CDH22: variants seen among roughly 807,000 people sequenced by gnomAD.
CDH22 encodes the protein cadherin 22, also known as cadherin-22.
Under a neutral mutation model 58.4 loss-of-function variants are expected in CDH22, and 30 were observed. The observed-to-expected ratio is 0.51, with a 90% CI of 0.38 to 0.70. CDH22 has a LOEUF of 0.70. CDH22 is among the 30% of genes least tolerant of loss of function. CDH22 has a pLI of 0.00. For missense variants in CDH22, 1,014 were observed against 1,233.9 expected, an observed-to-expected ratio of 0.82 and a Z score of 2.67; for synonymous variants, 513 against 558.2, an observed-to-expected ratio of 0.92 and a Z score of 1.14.
intron 1 of CDH22, among the ~76,000 whole-genome samples, chr20:46,278,054 A>G (rs1227028046): frequency 1.3e-5 from 2 of 151,922 alleles, no homozygotes; most frequent in Non-Finnish European, 2.9e-5. Flanking sequence ...CCGTGATGAC[A>G]GGTGACAAGG....
Position 46,174,267 on chromosome 20 carries a change from C to T in CDH22, c.*239G>A, listed in dbSNP as rs2085717385. 1 of 489,774 alleles carries T rather than the reference C, an allele frequency of 2.0e-6. No individual in the cohort carries two copies. Among genetic ancestry groups the T allele is most frequent in the Non-Finnish European group, 3.5e-6 (1 of 281,700 alleles). 30.3% of individuals were successfully genotyped at this position (489,774 alleles called of 1,614,324 possible). On this transcript the variant is annotated 3_prime_UTR_variant, in exon 12 of 12. Coordinates refer to ENST00000537909, the MANE Select transcript of CDH22 (RefSeq NM_021248.3). This position sits in a 1 kb window ranked among gnomAD's most constrained non-coding sequence, Gnocchi z 4.4. ...TCTAACCCCAGAGCCACACCGTGCCCGGTCTCGCCTCAGTTTTAATGCCGT... is the reference window on the plus strand; with the variant it reads ...TCTAACCCCAGAGCCACACCGTGCCTGGTCTCGCCTCAGTTTTAATGCCGT...
chr20:46,304,772 A>G lies in CDH22; in HGVS notation c.-400+3483T>C, dbSNP rs180830685. On this transcript the variant is annotated intron_variant, in intron 1 of 11. Transcript: ENST00000537909. ...AAGAGAGCTGAGCTAAGGAGTGAGT[A>G]GTGAATATATCCTTAACCCCCAGAT... Among the ~76,000 whole-genome samples the G allele has an allele frequency of 7.9e-4, 121 of 152,364 alleles. 1 individual carries two copies. Among genetic ancestry groups the G allele is most frequent in the African/African-American group, 2.8e-3 (118 of 41,584 alleles).
chr20:46,234,331 C>T (rs771316418), intron 3 of CDH22, among the ~76,000 whole-genome samples: 15 of 152,222 alleles, frequency 9.9e-5, no homozygotes, highest in African/African-American at 1.9e-4. Context: ...TTCTGGTTTC[C>T]GCTTCTGGGT....
At position 46,210,842 on chromosome 20, in the gene CDH22, G is replaced by C. The variant is rs1260449177; in HGVS notation, c.1033-282C>G. Among the ~76,000 whole-genome samples, 1 of 152,206 alleles carries C rather than the reference G, an allele frequency of 6.6e-6. No homozygotes were observed. The highest frequency in any genetic ancestry group is 2.4e-5 in the African/African-American group (1 of 41,444). ...TCCTGCTTCCCAGCGCAGTGTTGGCGGCATATTTCATTAGTTTAGTTCACG... is the reference window on the plus strand; with the variant it reads ...TCCTGCTTCCCAGCGCAGTGTTGGCCGCATATTTCATTAGTTTAGTTCACG... On this transcript the variant is annotated intron_variant, in intron 6 of 11. Coordinates refer to ENST00000537909, the MANE Select transcript of CDH22 (RefSeq NM_021248.3). This position sits in a 1 kb window ranked among gnomAD's most constrained non-coding sequence, Gnocchi z 4.5.
intron 3 of CDH22, among the ~76,000 whole-genome samples, chr20:46,236,241 G>C (rs1036644095): frequency 6.6e-6 from 1 of 151,840 alleles, no homozygotes; most frequent in Admixed American, 6.6e-5. Flanking sequence ...GGGGGACAAG[G>C]GCAGCAATTT....
At chr20:46,247,571 G>T (rs529339068) in intron 2 of CDH22, among the ~76,000 whole-genome samples, 15 of 152,184 alleles carry the variant, frequency 9.9e-5, no homozygotes, top group Non-Finnish European at 1.8e-4. Context: ...GGGAGGATGT[G>T]CATAGGTTAT....
intron 3 of CDH22, among the ~76,000 whole-genome samples, chr20:46,234,818 G>A (rs569679838): frequency 2.0e-5 from 3 of 152,368 alleles, no homozygotes; most frequent in South Asian, 2.1e-4. Context: ...CACAAGAGAC[G>A]AAACTGATCT....
intron 4 of CDH22, among the ~76,000 whole-genome samples, chr20:46,217,442 A>G (rs1349794954): frequency 6.6e-6 from 1 of 152,142 alleles, no homozygotes; most frequent in Non-Finnish European, 1.5e-5. Flanking sequence ...ACACACACAG[A>G]TACACACAGA....
chr20:46,259,385 G>A (rs1277535929), intron 1 of CDH22, among the ~76,000 whole-genome samples: 1 of 152,218 alleles, frequency 6.6e-6, no homozygotes, highest in African/African-American at 2.4e-5. Flanking sequence ...CAAATTACCA[G>A]ATTCTAATGA....
chr20:46,221,280 C>CTT (rs67025636), intron 4 of CDH22, among the ~76,000 whole-genome samples: 3 of 122,624 alleles, frequency 2.4e-5, no homozygotes, highest in South Asian at 2.6e-4. Context: ...TTTTTTTTTT[C>CTT]TTTTTTTTTT....
chr20:46,251,191 C>G lies in CDH22; in HGVS notation c.104G>C (p.Arg35Pro). The change falls in exon 2 of 12, where the codon CGC (arginine) becomes CCC (proline). Residue 35 changes from arginine (R) to proline (P), a missense_variant. Arg to Pro is a moderately radical substitution (Grantham distance 103). Around this residue, in one of 2 missense-constraint regions of CDH22, gnomAD observed 806 missense variants for 1,038.7 expected, o/e 0.78. Coordinates refer to ENST00000537909, the MANE Select transcript of CDH22 (RefSeq NM_021248.3). This position sits in a 1 kb window ranked among gnomAD's most constrained non-coding sequence, Gnocchi z 6.7. ...CGAGGGTGTGCCCGCTGCCCACAGG[C>G]GCCCCAGCAGCGTCGGCGGCGGCGG... Reference protein sequence around the residue: ...LLPPPPTLLGRLWAAGTPSPS... With the variant: ...LLPPPPTLLGPLWAAGTPSPS... The G allele has an allele frequency of 6.6e-7, 1 of 1,515,970 alleles. No homozygotes were observed. The allele number at this position is 1,515,970 out of a possible 1,614,324, so 93.9% of individuals were successfully genotyped here.
At chr20:46,213,899 C>T (rs1274763345) in intron 5 of CDH22, among the ~76,000 whole-genome samples, 1 of 152,126 alleles carries the variant, frequency 6.6e-6, no homozygotes, top group Non-Finnish European at 1.5e-5. Flanking sequence ...AGACACTAAA[C>T]AATCACATCA....
chr20:46,196,567 C>G (rs931527520), intron 8 of CDH22, among the ~76,000 whole-genome samples: 1 of 152,212 alleles, frequency 6.6e-6, no homozygotes, highest in Admixed American at 6.5e-5. Context: ...AGCCACTGTG[C>G]CTGGCCTGTG....
chr20:46,217,144 C>T, intron 4 of CDH22, 151 bp from the exon 5 acceptor site: 1 of 661,594 alleles, frequency 1.5e-6, no homozygotes, highest in Non-Finnish European at 2.6e-6. Flanking sequence ...CACGTGTCCA[C>T]CATGTGGGAC....
At chr20:46,255,884 G>A (rs2086404061) in intron 1 of CDH22, among the ~76,000 whole-genome samples, 1 of 152,198 alleles carries the variant, frequency 6.6e-6, no homozygotes, top group Admixed American at 6.5e-5. Context: ...GCACGTTGGT[G>A]GCCTTCCCTG....
At chr20:46,250,282 C>T (rs184582762) in intron 2 of CDH22, among the ~76,000 whole-genome samples, 64 of 152,274 alleles carry the variant, frequency 4.2e-4, no homozygotes, top group Non-Finnish European at 6.9e-4. Context: ...GATTTCGCGG[C>T]GAGCAAAACA....
intron 11 of CDH22, among the ~76,000 whole-genome samples, chr20:46,175,625 C>A (rs987383185): frequency 3.3e-5 from 5 of 152,192 alleles, no homozygotes; most frequent in African/African-American, 1.2e-4. Flanking sequence ...CCATGCCTTC[C>A]CCTGCAAGAT....
chr20:46,259,685 T>A (rs1450210359), intron 1 of CDH22, among the ~76,000 whole-genome samples: 1 of 152,190 alleles, frequency 6.6e-6, no homozygotes, highest in East Asian at 1.9e-4. Context: ...TTGGAGCTGA[T>A]CCTTGAAAGG....
chr20:46,202,428 A>C (rs2085968123), intron 7 of CDH22, among the ~76,000 whole-genome samples: 1 of 148,716 alleles, frequency 6.7e-6, no homozygotes, highest in Non-Finnish European at 1.5e-5. Context: ...ATCTCGGCTC[A>C]CTGCAAGCTC....
Sources: gnomAD v4.1 joint callset for allele counts (sites outside exome capture counted in the v4.1 genomes callset) on GRCh38, gnomAD v4.1.1 for gene constraint, gnomAD v4.1.1 regional missense constraint, Gnocchi (gnomAD v3.1) non-coding constraint, MANE v1.5 for transcripts, NCBI Gene and HGNC (gene_info 2026-07-23, HGNC 2026-07-21) for gene names.